ATP8A2: variants seen among roughly 807,000 people sequenced by gnomAD.
ATP8A2 encodes the protein phospholipid-transporting ATPase IB.
A neutral mutation model predicts 165.6 loss-of-function variants in ATP8A2; 100 were observed. That is an observed-to-expected ratio of 0.60 (90% CI 0.51 to 0.71). The LOEUF (loss-of-function observed/expected upper bound fraction) is 0.71. Among genes scored for constraint, ATP8A2 ranks in the 30% least tolerant of loss-of-function variants. The pLI, the probability that ATP8A2 is intolerant of heterozygous loss-of-function variation, is 0.00. For synonymous variants in ATP8A2, 543 were observed against 548.8 expected, an observed-to-expected ratio of 0.99 and a Z score of 0.15; for missense variants, 1,227 against 1,479.5, an observed-to-expected ratio of 0.83 and a Z score of 2.80.
chr13:25,446,772 A>G (rs2035080445), intron 1 of ATP8A2, among the ~76,000 whole-genome samples: 2 of 152,228 alleles, frequency 1.3e-5, no homozygotes, highest in Non-Finnish European at 2.9e-5. Context: ...AAAGAATAAT[A>G]AAAATTTCCC....
intron 33 of ATP8A2, among the ~76,000 whole-genome samples, chr13:25,912,039 C>A (rs1460353499): frequency 6.6e-6 from 1 of 152,100 alleles, no homozygotes; most frequent in Non-Finnish European, 1.5e-5. Flanking sequence ...GATTTCAAAT[C>A]AGTATGTCAA....
intron 25 of ATP8A2, among the ~76,000 whole-genome samples, chr13:25,719,327 A>G (rs1230362250): frequency 6.6e-6 from 1 of 152,176 alleles, no homozygotes; most frequent in Non-Finnish European, 1.5e-5. Context: ...TGGTTTTTCT[A>G]AGGATGCTAC....
chr13:25,806,374 A>G (rs1254755835), intron 27 of ATP8A2, among the ~76,000 whole-genome samples: 5 of 152,116 alleles, frequency 3.3e-5, no homozygotes, highest in Middle Eastern at 3.4e-3. Flanking sequence ...CCTCTCAGGC[A>G]TTTGCGCAGG....
At chr13:25,764,233 A>G (rs1183274023) in intron 25 of ATP8A2, among the ~76,000 whole-genome samples, 1 of 152,140 alleles carries the variant, frequency 6.6e-6, no homozygotes, top group Non-Finnish European at 1.5e-5. Flanking sequence ...TATTTCGGTT[A>G]GTTTTTGCCC....
chr13:25,419,355 T>A (rs894581750), intron 1 of ATP8A2, among the ~76,000 whole-genome samples: 1 of 152,168 alleles, frequency 6.6e-6, no homozygotes, highest in African/African-American at 2.4e-5. Context: ...CCCCCATCAC[T>A]AGGCTCATGG....
At chr13:25,653,063 G>T (rs1481752606) in intron 24 of ATP8A2, among the ~76,000 whole-genome samples, 1 of 152,182 alleles carries the variant, frequency 6.6e-6, no homozygotes, top group Non-Finnish European at 1.5e-5. Context: ...CTGCTGGATT[G>T]TAAACGTCTT....
intron 36 of ATP8A2, 82 bp from the exon 37 acceptor site, chr13:26,019,806 A>C (rs1957056388): frequency 2.1e-6 from 2 of 967,236 alleles, no homozygotes; most frequent in Non-Finnish European, 1.6e-6. Context: ...GCACGCTGCC[A>C]AAAAAAAGCA....
intron 27 of ATP8A2, among the ~76,000 whole-genome samples, chr13:25,801,704 A>C (rs1308102145): frequency 5.9e-5 from 9 of 152,212 alleles, no homozygotes; most frequent in Admixed American, 5.9e-4. Flanking sequence ...TATTAAAAAT[A>C]TGATATACAT....
chr13:25,969,044 G>C (rs910395778), intron 35 of ATP8A2, among the ~76,000 whole-genome samples: 3 of 152,180 alleles, frequency 2.0e-5, no homozygotes, highest in African/African-American at 7.2e-5. Context: ...CTGTACCCAA[G>C]GATGAGTATC....
At chr13:25,486,947 C>G (rs933774539) in intron 2 of ATP8A2, among the ~76,000 whole-genome samples, 2 of 152,000 alleles carry the variant, frequency 1.3e-5, no homozygotes, top group Non-Finnish European at 2.9e-5. Flanking sequence ...GCCTGGGTGA[C>G]GGAGGAAAAC....
chr13:25,553,800 C>T lies in ATP8A2; in HGVS notation c.1065C>T (p.Thr355=). 1 of 1,612,742 alleles carries T rather than the reference C, an allele frequency of 6.2e-7. No homozygotes were observed. Among genetic ancestry groups the T allele is most frequent in the Non-Finnish European group, 8.5e-7 (1 of 1,179,522 alleles). ...TCTGGTTTCCTTCCACAGACACCAC[C>T]TCAGATAATTTTGGATACAACCTAC... ...KNWYIKKMDT[T]SDNFGYNLLT... The change falls in exon 12 of 37, where the codon ACC becomes ACT. Residue 355 remains threonine, a synonymous_variant. Coordinates refer to ENST00000381655, the MANE Select transcript of ATP8A2 (RefSeq NM_016529.6).
At chr13:25,577,215 C>T in intron 20 of ATP8A2, 77 bp downstream of exon 20, 1 of 1,174,396 alleles carries the variant, frequency 8.5e-7, no homozygotes, top group Non-Finnish European at 1.3e-6. Flanking sequence ...TAACTGCTTT[C>T]CTCATCATTC....
In ATP8A2 at chr13:25,530,006, A is replaced by G. The variant is rs1409872125; in HGVS notation, c.229A>G (p.Lys77Glu). The G allele has an allele frequency of 1.2e-6, 2 of 1,607,674 alleles. No individual in the cohort carries two copies. Among genetic ancestry groups the G allele is most frequent in the Non-Finnish European group, 1.7e-6 (2 of 1,174,874 alleles). ...KFRDNQISTA[K>E]YSVLTFLPRF... ...TTTTCTTTGCACTTACAGTACGGCC[A>G]AGTACAGCGTGTTGACATTTCTACC... Residue 77 changes from lysine (K) to glutamate (E), a missense_variant, in exon 3 of 37, where the codon AAG becomes GAG. Around this residue, in one of 5 missense-constraint regions of ATP8A2, gnomAD observed 356 missense variants for 394.9 expected, o/e 0.90. Coordinates refer to ENST00000381655, the MANE Select transcript of ATP8A2 (RefSeq NM_016529.6).
rs113550648 is a variant in ATP8A2, at chr13:25,441,651, C to A, written c.77-27326C>A. ...CATTGTTGTATTTCCAGGAAAATTG[C>A]CATAGTAAACAAACACCCAACCCTA... On this transcript the variant is annotated intron_variant, in intron 1 of 36. Coordinates refer to ENST00000381655, the MANE Select transcript of ATP8A2 (RefSeq NM_016529.6). Among the ~76,000 whole-genome samples, 610 of 152,216 alleles carry A rather than the reference C, an allele frequency of 4.0e-3. 7 individuals carry two copies. The highest frequency in any genetic ancestry group is 0.014 in the African/African-American group (563 of 41,522).
intron 15 of ATP8A2, among the ~76,000 whole-genome samples, chr13:25,560,287 C>T (rs533678514): frequency 9.2e-5 from 14 of 152,234 alleles, no homozygotes; most frequent in Admixed American, 2.6e-4. Context: ...ATTGACTGCC[C>T]TTGGTTCAGT....
chr13:25,633,492 T>A (rs1400382218), intron 24 of ATP8A2, among the ~76,000 whole-genome samples: 4 of 152,188 alleles, frequency 2.6e-5, no homozygotes, highest in Admixed American at 2.6e-4. Flanking sequence ...TTTGTCTTTT[T>A]AGAAATCCTG....
intron 36 of ATP8A2, among the ~76,000 whole-genome samples, chr13:26,015,165 T>C (rs1956940136): frequency 6.6e-6 from 1 of 151,888 alleles, no homozygotes; most frequent in Non-Finnish European, 1.5e-5. Flanking sequence ...ATATAAGAAA[T>C]AAGAAGGCTT....
intron 22 of ATP8A2, 68 bp downstream of exon 22, chr13:25,580,015 G>T (rs1023528294): frequency 6.4e-7 from 1 of 1,558,976 alleles, no homozygotes. Flanking sequence ...CAAAGTATTT[G>T]AACAGGAATC....
At chr13:25,907,257 C>T (rs965675796) in intron 33 of ATP8A2, among the ~76,000 whole-genome samples, 4 of 151,886 alleles carry the variant, frequency 2.6e-5, no homozygotes, top group African/African-American at 7.3e-5. Flanking sequence ...GTGGAGATCA[C>T]GCCACTGCAC....
Sources: gnomAD v4.1 joint callset for allele counts (sites outside exome capture counted in the v4.1 genomes callset) on GRCh38, gnomAD v4.1.1 for gene constraint, gnomAD v4.1.1 regional missense constraint, MANE v1.5 for transcripts, NCBI Gene and HGNC (gene_info 2026-07-23, HGNC 2026-07-21) for gene names.